ZSCAN5A: variants seen among roughly 807,000 people sequenced by gnomAD.
ZSCAN5A encodes zinc finger and SCAN domain containing 5A.
In ZSCAN5A, 12 loss-of-function variants were observed where a neutral mutation model predicts 23.7. That is an observed-to-expected ratio of 0.51 (90% CI 0.32 to 0.82). The LOEUF (loss-of-function observed/expected upper bound fraction) is 0.82, where lower values mean the gene tolerates loss of function less well. Ranked by LOEUF, ZSCAN5A falls within the 40% of genes least tolerant of loss-of-function variation. The pLI is 0.03. For missense variants in ZSCAN5A, 597 were observed against 617.9 expected, an observed-to-expected ratio of 0.97 and a Z score of 0.36; for synonymous variants, 257 against 239.9, an observed-to-expected ratio of 1.07 and a Z score of -0.66.
intron 2 of ZSCAN5A, among the ~76,000 whole-genome samples, chr19:56,272,453 T>A (rs2037919615): frequency 6.6e-6 from 1 of 152,194 alleles, no homozygotes; most frequent in South Asian, 2.1e-4. Flanking sequence ...GAAATTCACA[T>A]TCTATATAAT....
At chr19:56,223,867 A>G (rs2033605159) in intron 3 of ZSCAN5A, 33 bp from the exon 4 acceptor site, 1 of 1,582,906 alleles carries the variant, frequency 6.3e-7, no homozygotes, top group South Asian at 1.1e-5. Flanking sequence ...CAGACTCACC[A>G]TGAGAACCTG....
At chr19:56,261,723 T>C (rs1006047531) in intron 2 of ZSCAN5A, among the ~76,000 whole-genome samples, 6 of 152,142 alleles carry the variant, frequency 3.9e-5, no homozygotes, top group Non-Finnish European at 7.3e-5. Flanking sequence ...AATATCCTGT[T>C]TGGAAACACC....
At chr19:56,287,719 A>C (rs1400886022) in intron 2 of ZSCAN5A, among the ~76,000 whole-genome samples, 1 of 152,196 alleles carries the variant, frequency 6.6e-6, no homozygotes, top group South Asian at 2.1e-4. Flanking sequence ...AAATCATCTG[A>C]GTCATTAAAC....
At chr19:56,238,178 C>T (rs1005596166) in intron 2 of ZSCAN5A, among the ~76,000 whole-genome samples, 6 of 150,408 alleles carry the variant, frequency 4.0e-5, no homozygotes, top group Non-Finnish European at 1.5e-5. Context: ...ACACACACGT[C>T]AAAGAAACAA....
chr19:56,290,261 A>G (rs1338459317), intron 2 of ZSCAN5A, among the ~76,000 whole-genome samples: 1 of 152,208 alleles, frequency 6.6e-6, no homozygotes, highest in East Asian at 1.9e-4. Context: ...AGAAAGGCCC[A>G]CTGCTTGTTT....
At chr19:56,225,601 A>T (rs1231480364) in intron 2 of ZSCAN5A, among the ~76,000 whole-genome samples, 1 of 152,240 alleles carries the variant, frequency 6.6e-6, no homozygotes, top group Admixed American at 6.5e-5. Flanking sequence ...TATTCTTGTT[A>T]ACTCCAGAAC....
chr19:56,318,528 A>G (rs1391647062), upstream of ZSCAN5A, among the ~76,000 whole-genome samples: 1 of 152,188 alleles, frequency 6.6e-6, no homozygotes, highest in Non-Finnish European at 1.5e-5. Context: ...CTGAGCTTGC[A>G]CTGGCTATTC....
At chr19:56,241,732 C>T (rs186443817) in intron 2 of ZSCAN5A, among the ~76,000 whole-genome samples, 2 of 152,334 alleles carry the variant, frequency 1.3e-5, no homozygotes, top group South Asian at 4.1e-4. Context: ...ATCTCCCCAA[C>T]CCCCATCCCA....
chr19:56,258,479 A>T (rs2036883955), intron 2 of ZSCAN5A, among the ~76,000 whole-genome samples: 1 of 132,378 alleles, frequency 7.6e-6, no homozygotes, highest in African/African-American at 3.0e-5. Context: ...GGTGACAGAG[A>T]CGCCTTCCAG....
At chr19:56,318,905 C>T (rs1346577744), upstream of ZSCAN5A, among the ~76,000 whole-genome samples, 1 of 152,118 alleles carries the variant, frequency 6.6e-6, no homozygotes, top group Non-Finnish European at 1.5e-5. Context: ...AACAAATAAT[C>T]CAGCATTATC....
chr19:56,318,573 A>G (rs1458398455), upstream of ZSCAN5A, among the ~76,000 whole-genome samples: 1 of 152,220 alleles, frequency 6.6e-6, no homozygotes, highest in Non-Finnish European at 1.5e-5. Flanking sequence ...CACTCCTTAA[A>G]AAAGGTGGAC....
intron 2 of ZSCAN5A, among the ~76,000 whole-genome samples, chr19:56,239,189 A>G (rs140493407): frequency 4.6e-5 from 7 of 152,346 alleles, no homozygotes; most frequent in African/African-American, 1.7e-4. Context: ...AGATTTCCCA[A>G]GGATTTAAAC....
intron 2 of ZSCAN5A, among the ~76,000 whole-genome samples, chr19:56,341,721 AAAAAAAC>A (rs1568760199): frequency 6.6e-6 from 1 of 150,692 alleles, no homozygotes; most frequent in African/African-American, 2.4e-5. Context: ...AAAAAAAAAA[AAAAAAAC>A]CCTTCTGCAG....
chr19:56,320,997 A>G (rs1219096612), intron 2 of ZSCAN5A: 1 of 711,002 alleles, frequency 1.4e-6, no homozygotes, highest in African/African-American at 1.7e-5. Flanking sequence ...CAGACCGGTA[A>G]GTTGTCCACT....
Position 56,276,591 on chromosome 19 carries a change from T to A in ZSCAN5A, c.-128+36692A>T, listed in dbSNP as rs567993745. Reference sequence around the variant, plus strand: ...TCGCTCTGTCGCCCAGGCTGGAGTGTAGTGGTGCGATCTGGGTTCACTGCA... The same window carrying A: ...TCGCTCTGTCGCCCAGGCTGGAGTGAAGTGGTGCGATCTGGGTTCACTGCA... On this transcript the variant is annotated intron_variant, in intron 2 of 5. Coordinates refer to ENST00000683990, the MANE Select transcript of ZSCAN5A (RefSeq NM_001322064.3). Among the ~76,000 whole-genome samples, 144 of 151,278 alleles carry A rather than the reference T, an allele frequency of 9.5e-4. 2 individuals are homozygous for A. The South Asian group carries it at 0.025, about 26-fold the overall frequency.
chr19:56,273,793 T>C (rs1031376707), intron 2 of ZSCAN5A, among the ~76,000 whole-genome samples: 2 of 152,182 alleles, frequency 1.3e-5, no homozygotes, highest in Admixed American at 6.5e-5. Context: ...AGGAAAAATG[T>C]TGGATGTTAT....
At chr19:56,264,188 G>T (rs2037313213) in intron 2 of ZSCAN5A, among the ~76,000 whole-genome samples, 5 of 152,002 alleles carry the variant, frequency 3.3e-5, no homozygotes, top group Admixed American at 3.3e-4. Flanking sequence ...TAGAGATGGG[G>T]TTTCACCATG....
chr19:56,361,279 T>C lies in ZSCAN5A; in HGVS notation c.-358+1956A>G, dbSNP rs1178384860. ...GTGGGAATGTAAATTAATTCAACCA[T>C]TGTGAAAGACAGTGTGGTGATTCCT... On this transcript the variant is annotated intron_variant, in intron 2 of 6. Transcript: ENST00000587340. Among the ~76,000 whole-genome samples the C allele has an allele frequency of 3.3e-5, 5 of 152,220 alleles. No individual in the cohort carries two copies. The East Asian group carries it at 9.6e-4, about 29-fold the overall frequency.
intron 2 of ZSCAN5A, chr19:56,343,098 G>A (rs2041607237): frequency 1.3e-6 from 1 of 769,180 alleles, no homozygotes. Context: ...CGGCCTTCGG[G>A]TCCTATCCAA....
Sources: gnomAD v4.1 joint callset for allele counts (sites outside exome capture counted in the v4.1 genomes callset) on GRCh38, gnomAD v4.1.1 for gene constraint, MANE v1.5 for transcripts, NCBI Gene and HGNC (gene_info 2026-07-23, HGNC 2026-07-21) for gene names.